Variants in LMBRD1 observed in about 807,000 individuals in gnomAD.
LMBRD1 encodes lysosomal cobalamin transport escort protein LMBD1.
LMBRD1 carries 64 observed loss-of-function variants against 74.8 expected under a neutral mutation model. The ratio of observed to expected loss-of-function variants is 0.86; its 90% confidence interval spans 0.70 to 1.05. LMBRD1 has a LOEUF of 1.05. Ranked by LOEUF, LMBRD1 falls within the 50% of genes least tolerant of loss-of-function variation. The pLI is 0.00. For synonymous variants in LMBRD1, 204 were observed against 216.3 expected (o/e 0.94, Z 0.50); for missense variants, 652 against 645.9 (o/e 1.01, Z -0.10).
At chr6:69,710,073 G>A (rs1019225204) in intron 9 of LMBRD1, among the ~76,000 whole-genome samples, 16 of 151,730 alleles carry the variant, frequency 1.1e-4, no homozygotes, top group Non-Finnish European at 1.6e-4. Flanking sequence ...TTTGAAAAAG[G>A]AAAATAAAAC....
At chr6:69,747,780 C>CTACAT in intron 5 of LMBRD1, among the ~76,000 whole-genome samples, 1 of 152,300 alleles carries the variant, frequency 6.6e-6, no homozygotes, top group Admixed American at 6.5e-5. Context: ...AACGTATGAG[C>CTACAT]TACATGAATT....
At chr6:69,681,718 A>C (rs924121664) in intron 14 of LMBRD1, among the ~76,000 whole-genome samples, 2 of 151,968 alleles carry the variant, frequency 1.3e-5, no homozygotes, top group Non-Finnish European at 2.9e-5. Flanking sequence ...AAAACTTAGA[A>C]GCCTAGACTA....
At chr6:69,706,209 C>T in intron 9 of LMBRD1, 3 of 418,466 alleles carry the variant, frequency 7.2e-6, no homozygotes, top group African/African-American at 2.0e-5. Context: ...TGGAGATAAA[C>T]AACCACAGCT....
At chr6:69,778,348 T>A (rs888928259) in intron 3 of LMBRD1, among the ~76,000 whole-genome samples, 4 of 152,218 alleles carry the variant, frequency 2.6e-5, no homozygotes, top group African/African-American at 7.2e-5. Flanking sequence ...ACATTATCCT[T>A]GAGTGGATTG....
rs1309806531 is a variant in LMBRD1 at position 69,691,182 on chromosome 6, T to C, written c.1417+6381A>G. 3.3e-4 allele frequency among the ~76,000 whole-genome samples: 49 copies of C among 149,106 alleles called. 1 individual carries two copies. The highest frequency in any genetic ancestry group is 1.3e-4 in the Admixed American group (2 of 14,964). On this transcript the variant is annotated intron_variant, in intron 14 of 15. Transcript: ENST00000649934. ...TTTTAACAATTTAAAGGACAGATGA[T>C]GCAATAATGTTTCATTTTCTCACAC...
chr6:69,790,594 G>C, intron 1 of LMBRD1, 122 bp from the exon 2 acceptor site: 2 of 969,160 alleles, frequency 2.1e-6, no homozygotes, highest in Middle Eastern at 2.1e-4. Context: ...AGTTGTGTAA[G>C]GAAAGCCCAC....
intron 3 of LMBRD1, among the ~76,000 whole-genome samples, chr6:69,756,591 G>C (rs973406055): frequency 6.6e-6 from 1 of 152,130 alleles, no homozygotes; most frequent in Non-Finnish European, 1.5e-5. Flanking sequence ...TTCTTATCAA[G>C]TTAAACATAT....
rs9454866 is a variant in LMBRD1, at chr6:69,675,264, A to T, written c.*894T>A. ...GAGTTCTAATGTGCTTATGTTAGTA[A>T]ACTAGAATATAATTTTTTATTATTT... On this transcript the variant is annotated 3_prime_UTR_variant, in exon 16 of 16. Coordinates refer to ENST00000649934, the MANE Select transcript of LMBRD1 (RefSeq NM_018368.4). Among the ~76,000 whole-genome samples, 539 of 152,286 alleles carry T rather than the reference A, an allele frequency of 3.5e-3. 6 individuals are homozygous for T. The highest frequency in any genetic ancestry group is 0.012 in the African/African-American group (511 of 41,568).
Position 69,713,736 on chromosome 6 carries a change from C to A in LMBRD1, c.824G>T (p.Arg275Met). 1.2e-6 allele frequency: 2 copies of A among 1,613,656 alleles called. No homozygotes were observed. The highest frequency in any genetic ancestry group is 1.7e-6 in the Non-Finnish European group (2 of 1,179,738). The change falls in exon 9 of 16, where the codon AGG becomes ATG. Residue 275 changes from arginine to methionine, a missense_variant. Arg to Met is a moderately conservative substitution (Grantham distance 91). Coordinates refer to ENST00000649934, the MANE Select transcript of LMBRD1 (RefSeq NM_018368.4). ...DKRALKQFEE[R>M]LRTLKKRERH... ...CTCTCTCTTCTTAAGTGTTCGTAAC[C>A]TTTCTTCAAATTGTTTTAAGGCGCG...
At chr6:69,764,347 C>T (rs908242889) in intron 3 of LMBRD1, among the ~76,000 whole-genome samples, 4 of 152,132 alleles carry the variant, frequency 2.6e-5, no homozygotes, top group African/African-American at 9.7e-5. Context: ...CTCTCTCTCT[C>T]TCTCTCTATG....
At chr6:69,750,656 CA>C (rs1765115167) in intron 4 of LMBRD1, among the ~76,000 whole-genome samples, 1 of 151,962 alleles carries the variant, frequency 6.6e-6, no homozygotes, top group Non-Finnish European at 1.5e-5. Flanking sequence ...TAAGATCAAC[CA>C]AAGGGTAGAA....
chr6:69,701,580 T>C (rs750386636), intron 10 of LMBRD1, 35 bp from the exon 11 acceptor site: 3 of 1,298,056 alleles, frequency 2.3e-6, no homozygotes, highest in Non-Finnish European at 3.3e-6. Flanking sequence ...ATTTATGTTA[T>C]ACTATCAAAT....
chr6:69,727,293 C>T (rs980431229), intron 7 of LMBRD1, among the ~76,000 whole-genome samples: 1 of 152,136 alleles, frequency 6.6e-6, no homozygotes. Context: ...CATGCCTATA[C>T]CAAAATATGT....
chr6:69,713,919 A>C, intron 8 of LMBRD1, 122 bp from the exon 9 acceptor site: 1 of 986,140 alleles, frequency 1.0e-6, no homozygotes. Context: ...AAATTTACAA[A>C]CTAAAAAAAA....
intron 3 of LMBRD1, among the ~76,000 whole-genome samples, chr6:69,778,768 C>A (rs1765760636): frequency 6.6e-6 from 1 of 152,010 alleles, no homozygotes; most frequent in Non-Finnish European, 1.5e-5. Context: ...TTAATATATT[C>A]ATCAGAAATA....
chr6:69,707,421 G>A (rs1034898754), intron 9 of LMBRD1, among the ~76,000 whole-genome samples: 1 of 152,122 alleles, frequency 6.6e-6, no homozygotes, highest in Non-Finnish European at 1.5e-5. Context: ...ATCATTAGGT[G>A]AAGAAAAAGG....
At chr6:69,748,396 C>T in intron 5 of LMBRD1, among the ~76,000 whole-genome samples, 1 of 151,994 alleles carries the variant, frequency 6.6e-6, no homozygotes. Context: ...AGAAAAACCA[C>T]TAAAAAAAGT....
intron 14 of LMBRD1, among the ~76,000 whole-genome samples, chr6:69,690,604 A>C (rs1258147490): frequency 6.6e-6 from 1 of 152,112 alleles, no homozygotes; most frequent in African/African-American, 2.4e-5. Context: ...AGATAAAAAA[A>C]CCCCAAATCA....
At chr6:69,709,439 C>T (rs995634877) in intron 9 of LMBRD1, among the ~76,000 whole-genome samples, 1 of 152,126 alleles carries the variant, frequency 6.6e-6, no homozygotes, top group African/African-American at 2.4e-5. Context: ...TTCCTTCAGG[C>T]ATGCCTATTA....
Sources: allele counts gnomAD v4.1 joint callset (sites outside exome capture counted in the v4.1 genomes callset), GRCh38; gene constraint gnomAD v4.1.1; transcripts MANE v1.5; gene names NCBI Gene and HGNC (gene_info 2026-07-23, HGNC 2026-07-21).